ATAD1: variants seen among roughly 807,000 people sequenced by gnomAD.
ATAD1 encodes ATPase family AAA domain containing 1.
Under a neutral mutation model 42.7 loss-of-function variants are expected in ATAD1, and 18 were observed. That is an observed-to-expected ratio of 0.42 (90% confidence interval 0.29 to 0.63). ATAD1 has a LOEUF of 0.63. Ranked by LOEUF, ATAD1 falls within the 20% of genes least tolerant of loss-of-function variation. ATAD1 has a pLI of 0.19. For synonymous variants in ATAD1, 132 were observed against 143.1 expected, an observed-to-expected ratio of 0.92 and a Z score of 0.55; for missense variants, 294 against 440.4, an observed-to-expected ratio of 0.67 and a Z score of 2.98.
intron 6 of ATAD1, among the ~76,000 whole-genome samples, chr10:87,771,291 G>A (rs995135818): frequency 7.2e-5 from 11 of 152,104 alleles, no homozygotes; most frequent in African/African-American, 2.4e-4. Context: ...ATTAAAGTAT[G>A]TAATGTTCAG....
At chr10:87,755,636 C>T (rs961272908) in intron 9 of ATAD1, among the ~76,000 whole-genome samples, 4 of 152,154 alleles carry the variant, frequency 2.6e-5, no homozygotes, top group East Asian at 1.9e-4. Context: ...TGGCCAGTAG[C>T]GGTGGCTCAC....
chr10:87,825,809 C>T (rs1857717997), intron 1 of ATAD1, among the ~76,000 whole-genome samples: 1 of 152,008 alleles, frequency 6.6e-6, no homozygotes, highest in Non-Finnish European at 1.5e-5. Flanking sequence ...TTAAGCAATC[C>T]TCCCAGCTTG....
intron 1 of ATAD1, 126 bp downstream of exon 1, chr10:87,818,041 G>A: frequency 1.0e-6 from 1 of 985,706 alleles, no homozygotes; most frequent in Non-Finnish European, 1.2e-6. Flanking sequence ...CGGCACTGAG[G>A]TAGGGCGTGG....
chr10:87,784,319 A>T, intron 5 of ATAD1, 151 bp downstream of exon 5: 2 of 693,868 alleles, frequency 2.9e-6, no homozygotes, highest in South Asian at 1.9e-5. Context: ...GGTTCATTCT[A>T]CAACACAGAA....
Position 87,818,169 on chromosome 10 carries a change from A to G in ATAD1, c.-16T>C. 1 of 985,678 alleles carries G rather than the reference A, an allele frequency of 1.0e-6. No homozygotes were observed. Among genetic ancestry groups the G allele is most frequent in the African/African-American group, 1.7e-5 (1 of 57,376 alleles). The allele number at this position is 985,678 out of a possible 1,614,324, so 61.1% of individuals were successfully genotyped here. On this transcript the variant is annotated splice_region_variant and 5_prime_UTR_variant, in exon 1 of 10. Transcript: ENST00000680024. ...CCCCACGGGAACCAGCTACTCACCC[A>G]GGGGCAGAAACAGCAAGAGCAAGTG...
chr10:87,818,119 A>G (rs1857514668), intron 1 of ATAD1, 48 bp downstream of exon 1: 2 of 985,562 alleles, frequency 2.0e-6, no homozygotes, highest in Non-Finnish European at 2.4e-6. Context: ...GGACCTCAGA[A>G]GGATACGACA....
intron 5 of ATAD1, among the ~76,000 whole-genome samples, chr10:87,780,873 C>T (rs538794257): frequency 2.6e-5 from 4 of 152,124 alleles, no homozygotes; most frequent in Non-Finnish European, 5.9e-5. Flanking sequence ...AAATTTTGCT[C>T]GTCACTGTAC....
chr10:87,797,934 A>G (rs1047062708), intron 2 of ATAD1, among the ~76,000 whole-genome samples: 3 of 152,080 alleles, frequency 2.0e-5, no homozygotes, highest in Non-Finnish European at 4.4e-5. Context: ...CTCAGCTCCA[A>G]AGAGAAAGGG....
At chr10:87,778,550 T>C (rs893772317) in intron 5 of ATAD1, among the ~76,000 whole-genome samples, 1 of 152,178 alleles carries the variant, frequency 6.6e-6, no homozygotes, top group East Asian at 1.9e-4. Context: ...GGTAATTTAA[T>C]ACAGTATTTT....
chr10:87,828,781 T>C (rs1425815243), intron 1 of ATAD1, among the ~76,000 whole-genome samples: 1 of 152,222 alleles, frequency 6.6e-6, no homozygotes, highest in African/African-American at 2.4e-5. Flanking sequence ...CTGATGACTT[T>C]AAGTTGAAAC....
intron 1 of ATAD1, among the ~76,000 whole-genome samples, chr10:87,830,112 T>A (rs1348150373): frequency 1.3e-5 from 2 of 152,130 alleles, no homozygotes; most frequent in Non-Finnish European, 2.9e-5. Flanking sequence ...TGTGGAAGGA[T>A]CAGCTGACCA....
intron 3 of ATAD1, among the ~76,000 whole-genome samples, 192 bp downstream of exon 3, chr10:87,792,465 T>C (rs1019296027): frequency 5.9e-5 from 9 of 152,214 alleles, no homozygotes; most frequent in Admixed American, 5.9e-4. Context: ...CATGCCCCCT[T>C]CCCTTTGCTG....
At chr10:87,804,633 G>A (rs1205562500) in intron 2 of ATAD1, among the ~76,000 whole-genome samples, 2 of 152,084 alleles carry the variant, frequency 1.3e-5, no homozygotes, top group Non-Finnish European at 2.9e-5. Context: ...GCTTCCCAAA[G>A]TGCTGGGATT....
intron 5 of ATAD1, among the ~76,000 whole-genome samples, chr10:87,778,728 G>A (rs117356666): frequency 6.6e-6 from 1 of 151,974 alleles, no homozygotes; most frequent in African/African-American, 2.4e-5. Flanking sequence ...TGTTCAATCT[G>A]TATCTGCAAA....
At chr10:87,790,608 G>A (rs758904623) in intron 3 of ATAD1, among the ~76,000 whole-genome samples, 178 bp from the exon 4 acceptor site, 2 of 152,068 alleles carry the variant, frequency 1.3e-5, no homozygotes, top group Non-Finnish European at 2.9e-5. Context: ...CTATGAAACT[G>A]GAAAAAGGAA....
rs1158455487 is a variant in ATAD1, at chr10:87,833,753, A to C, written c.-14+7434T>G. ...TTTTTTTTTTTTTTTTTTTTGATAG[A>C]GTCTTGCTCTGTAGCCCAGGCTGGA... On this transcript the variant is annotated intron_variant, in intron 1 of 4. Transcript: ENST00000495903. Among the ~76,000 whole-genome samples the C allele has an allele frequency of 5.0e-5, 5 of 99,116 alleles. No homozygotes were observed. The Admixed American group carries it at 6.8e-4, about 14-fold the overall frequency. 65.0% of individuals were successfully genotyped at this position (99,116 alleles called of 152,430 possible). A position where few individuals can be genotyped will look rare whatever the true frequency, so the allele number is the denominator to read the frequency against.
At chr10:87,760,282 G>A (rs1854422283) in intron 8 of ATAD1, among the ~76,000 whole-genome samples, 1 of 152,044 alleles carries the variant, frequency 6.6e-6, no homozygotes, top group Non-Finnish European at 1.5e-5. Context: ...GGATTATGGG[G>A]ACAGACTTCC....
At chr10:87,822,760 T>G (rs2132096146), upstream of ATAD1, among the ~76,000 whole-genome samples, 1 of 152,230 alleles carries the variant, frequency 6.6e-6, no homozygotes, top group East Asian at 1.9e-4. Context: ...CAGTAATTTA[T>G]TGTGCATTTT....
At chr10:87,810,256 T>C (rs1178147782) in intron 2 of ATAD1, among the ~76,000 whole-genome samples, 3 of 151,982 alleles carry the variant, frequency 2.0e-5, no homozygotes, top group Admixed American at 6.6e-5. Flanking sequence ...TGTTAATAAA[T>C]ACGCTACCAA....
Sources: gnomAD v4.1 joint callset for allele counts (sites outside exome capture counted in the v4.1 genomes callset) on GRCh38, gnomAD v4.1.1 for gene constraint, MANE v1.5 for transcripts, NCBI Gene and HGNC (gene_info 2026-07-23, HGNC 2026-07-21) for gene names.